BRINP3: variants seen among roughly 807,000 people sequenced by gnomAD.
BRINP3 encodes BMP/retinoic acid inducible neural specific 3.
In BRINP3, 19 loss-of-function variants were observed where a neutral mutation model predicts 71.0. The ratio of observed to expected loss-of-function variants is 0.27; its 90% CI spans 0.19 to 0.39. The LOEUF is 0.39. Among genes scored for constraint, BRINP3 ranks in the 10% least tolerant of loss-of-function variants. BRINP3 has a pLI of 1.00. For synonymous variants in BRINP3, 380 were observed against 337.7 expected (o/e 1.13, Z -1.37); for missense variants, 959 against 940.8 (o/e 1.02, Z -0.25).
chr1:190,301,163 A>G (rs1440130762), intron 2 of BRINP3, among the ~76,000 whole-genome samples: 3 of 70,402 alleles, frequency 4.3e-5, no homozygotes, highest in African/African-American at 1.3e-4. Context: ...ACATATATAT[A>G]TACATATATA....
intron 1 of BRINP3, among the ~76,000 whole-genome samples, chr1:190,466,938 A>C (rs1571390824): frequency 6.6e-6 from 1 of 151,654 alleles, no homozygotes; most frequent in Admixed American, 6.6e-5. Context: ...AAAAGAAGCC[A>C]ACATATTTTG....
chr1:190,153,852 A>G (rs1451285267), intron 7 of BRINP3, among the ~76,000 whole-genome samples: 6 of 152,186 alleles, frequency 3.9e-5, no homozygotes, highest in African/African-American at 1.4e-4. Flanking sequence ...CTCTGTCTCA[A>G]CAAAATGAAT....
intron 7 of BRINP3, among the ~76,000 whole-genome samples, chr1:190,148,758 AATCATATTTTT>A (rs1339179354): frequency 6.6e-6 from 1 of 152,096 alleles, no homozygotes; most frequent in Non-Finnish European, 1.5e-5. Flanking sequence ...TAAATTTAGT[AATCATATTTTT>A]ATCTTCTAAA....
At chr1:190,200,801 C>T (rs12069611) in intron 6 of BRINP3, among the ~76,000 whole-genome samples, 2,071 of 152,178 alleles carry the variant, frequency 0.014, 36 homozygotes, top group African/African-American at 0.047. Context: ...TCAGCACAAG[C>T]TCTTTTTTTG....
intron 2 of BRINP3, among the ~76,000 whole-genome samples, chr1:190,408,208 T>G (rs879410692): frequency 5.1e-5 from 2 of 39,348 alleles, no homozygotes; most frequent in Non-Finnish European, 1.9e-4. Context: ...TATTTATTTT[T>G]TTTTTTTTTG....
chr1:190,252,685 C>G (rs571752862), intron 4 of BRINP3, among the ~76,000 whole-genome samples: 2 of 152,124 alleles, frequency 1.3e-5, no homozygotes, highest in African/African-American at 4.8e-5. Context: ...TTATACTGAG[C>G]TCTGATTGGA....
At chr1:190,265,430 G>A (rs1331457010) in intron 3 of BRINP3, among the ~76,000 whole-genome samples, 3 of 151,776 alleles carry the variant, frequency 2.0e-5, no homozygotes, top group African/African-American at 4.8e-5. Context: ...GGCCGGGCAC[G>A]GTGGCTCACG....
At chr1:190,408,556 A>G (rs1672456504) in intron 2 of BRINP3, among the ~76,000 whole-genome samples, 1 of 152,196 alleles carries the variant, frequency 6.6e-6, no homozygotes. Context: ...GAAGATCTTA[A>G]CATAGTAAAC....
intron 2 of BRINP3, among the ~76,000 whole-genome samples, chr1:190,435,536 ATT>A (rs1674402243): frequency 6.6e-6 from 1 of 152,050 alleles, no homozygotes; most frequent in Non-Finnish European, 1.5e-5. Context: ...GGTTAGAATT[ATT>A]GTTTATTTTA....
intron 3 of BRINP3, among the ~76,000 whole-genome samples, chr1:190,272,281 A>G (rs537400509): frequency 6.6e-6 from 1 of 151,492 alleles, no homozygotes; most frequent in Non-Finnish European, 1.5e-5. Context: ...CTTGGCTTCA[A>G]TTAAATAATT....
At chr1:190,269,636 CATAGATTTGAAA>C (rs1661939237) in intron 3 of BRINP3, among the ~76,000 whole-genome samples, 1 of 149,944 alleles carries the variant, frequency 6.7e-6, no homozygotes, top group South Asian at 2.1e-4. Context: ...AACTAGCCCA[CATAGATTTGAAA>C]ATATATTCAA....
At chr1:190,335,958 G>T (rs1489549761) in intron 2 of BRINP3, among the ~76,000 whole-genome samples, 1 of 151,968 alleles carries the variant, frequency 6.6e-6, no homozygotes, top group Non-Finnish European at 1.5e-5. Context: ...ACAGTAAAAA[G>T]ATTATAAGGT....
At position 190,098,993 on chromosome 1, in the gene BRINP3, T is replaced by G; in HGVS notation, c.1326A>C (p.Thr442=). The G allele has an allele frequency of 6.2e-7, 1 of 1,614,166 alleles. No individual in the cohort carries two copies. ...QVVCTAFLPC[T]VGDASACLTC... ...TCAGGCAGGCAGAGGCGTCTCCCAC[T>G]GTGCAGGGCAGGAACGCGGTGCAGA... Residue 442 remains threonine (T), a synonymous_variant, in exon 8 of 8, where the codon ACA becomes ACC. Transcript: ENST00000367462.
At chr1:190,374,836 C>A (rs1478618725) in intron 2 of BRINP3, among the ~76,000 whole-genome samples, 1 of 151,814 alleles carries the variant, frequency 6.6e-6, no homozygotes, top group Non-Finnish European at 1.5e-5. Context: ...TTAGAAACAG[C>A]CTCTTAAAGC....
intron 7 of BRINP3, among the ~76,000 whole-genome samples, chr1:190,108,394 A>C (rs761461403): frequency 8.6e-5 from 13 of 151,820 alleles, no homozygotes; most frequent in Admixed American, 6.6e-5. Flanking sequence ...CAATGGTTTA[A>C]GGAATGACAA....
rs570837364 is a variant in BRINP3, at chr1:190,199,648, A to G, written c.961+26434T>C. 1.4e-4 allele frequency among the ~76,000 whole-genome samples: 21 copies of G among 152,212 alleles called. 1 individual carries two copies. The South Asian group carries it at 4.1e-3, about 30-fold the overall frequency. ...TGGATACAATTCTGATGATGCCAAA[A>G]GCCATCTTTGTCACAAGTTAGGAGA... On this transcript the variant is annotated intron_variant, in intron 6 of 7. Transcript: ENST00000367462.
At chr1:190,130,858 T>C (rs1317862421) in intron 7 of BRINP3, among the ~76,000 whole-genome samples, 2 of 151,920 alleles carry the variant, frequency 1.3e-5, no homozygotes, top group Non-Finnish European at 2.9e-5. Flanking sequence ...CAGATGCTAA[T>C]GTACCAAGTA....
chr1:190,139,262 A>C (rs1419406398), intron 7 of BRINP3, among the ~76,000 whole-genome samples: 1 of 151,858 alleles, frequency 6.6e-6, no homozygotes, highest in African/African-American at 2.4e-5. Context: ...AGCCTGGGCA[A>C]CATGGTGAAA....
At chr1:190,134,148 C>T (rs762398745) in intron 7 of BRINP3, among the ~76,000 whole-genome samples, 1 of 151,886 alleles carries the variant, frequency 6.6e-6, no homozygotes, top group African/African-American at 2.4e-5. Context: ...TGACATGATA[C>T]ATAATAATAC....
Sources: gnomAD v4.1 joint callset for allele counts (sites outside exome capture counted in the v4.1 genomes callset) on GRCh38, gnomAD v4.1.1 for gene constraint, MANE v1.5 for transcripts, NCBI Gene and HGNC (gene_info 2026-07-23, HGNC 2026-07-21) for gene names.